The following SLC26A7 variants were observed in gnomAD, a reference collection of about 807,000 sequenced individuals.
SLC26A7 encodes the protein solute carrier family 26 member 7, also known as anion exchange transporter.
A neutral mutation model predicts 82.5 loss-of-function variants in SLC26A7; 59 were observed. The ratio of observed to expected loss-of-function variants is 0.72; its 90% confidence interval spans 0.58 to 0.89. The LOEUF (loss-of-function observed/expected upper bound fraction) is 0.89, where lower values mean the gene tolerates loss of function less well. Ranked by LOEUF, SLC26A7 falls within the 40% of genes least tolerant of loss-of-function variation. The pLI, the probability that SLC26A7 is intolerant of heterozygous loss-of-function variation, is 0.00. For synonymous variants in SLC26A7, 271 were observed against 274.3 expected, an observed-to-expected ratio of 0.99 and a Z score of 0.12; for missense variants, 820 against 793.0, an observed-to-expected ratio of 1.03 and a Z score of -0.41.
chr8:91,212,852 CTTA>C (rs1035013343), intron 1 of SLC26A7, among the ~76,000 whole-genome samples: 2 of 152,090 alleles, frequency 1.3e-5, no homozygotes, highest in Non-Finnish European at 2.9e-5. Flanking sequence ...ATATATATTT[CTTA>C]TTGTTTTATT....
chr8:91,227,751 A>G (rs1253392447), intron 2 of SLC26A7, among the ~76,000 whole-genome samples: 1 of 152,176 alleles, frequency 6.6e-6, no homozygotes, highest in African/African-American at 2.4e-5. Flanking sequence ...TTATTAATGG[A>G]GATTACCAAG....
At chr8:91,270,359 G>T (rs1409954231) in intron 2 of SLC26A7, among the ~76,000 whole-genome samples, 2 of 152,268 alleles carry the variant, frequency 1.3e-5, no homozygotes, top group Admixed American at 6.5e-5. Flanking sequence ...GCTTGCCGTT[G>T]TTTCCTGGTC....
chr8:91,338,243 C>T lies in SLC26A7; in HGVS notation c.878+11C>T, dbSNP rs573408146. 3 of 1,574,754 alleles carry T rather than the reference C, an allele frequency of 1.9e-6. No individual in the cohort carries two copies. The highest frequency in any genetic ancestry group is 2.3e-5 in the East Asian group (1 of 43,848). The stretch of plus-strand genomic sequence containing the variant: ...TCATATTCCACAAGGGTAATGTAGT[C>T]CTTTTTAAAAACATATTATTTGTTT... On this transcript the variant is annotated intron_variant, in intron 7 of 18. Transcript: ENST00000276609.
At chr8:91,295,413 CAG>C in intron 3 of SLC26A7, 116 bp from the exon 4 acceptor site, 1 of 1,119,660 alleles carries the variant, frequency 8.9e-7, no homozygotes, top group Non-Finnish European at 1.3e-6. Flanking sequence ...GAGGAGGGGA[CAG>C]TGTTTCTAAT....
In SLC26A7 at chr8:91,250,508, T is replaced by C. The variant is rs140755527; in HGVS notation, c.193+664T>C. ...TTCTGGATTTAGATAGGTGTTTCTA[T>C]TGGCAAAAGCTACCGACCTAGTGTG... On this transcript the variant is annotated intron_variant, in intron 2 of 18. Transcript: ENST00000276609. Among the ~76,000 whole-genome samples the C allele has an allele frequency of 6.3e-3, 955 of 152,242 alleles. 3 individuals carry two copies. Among genetic ancestry groups the C allele is most frequent in the Non-Finnish European group, 0.01 (686 of 67,966 alleles).
intron 2 of SLC26A7, among the ~76,000 whole-genome samples, chr8:91,282,656 T>C (rs1226313003): frequency 6.6e-6 from 1 of 152,140 alleles, no homozygotes; most frequent in Non-Finnish European, 1.5e-5. Flanking sequence ...ACAGAGGAAG[T>C]TGAGGGAAAC....
At position 91,334,340 on chromosome 8, in the gene SLC26A7, G is replaced by A. The variant is rs1308164300; in HGVS notation, c.688G>A (p.Ala230Thr). 5 of 1,613,060 alleles carry A rather than the reference G, an allele frequency of 3.1e-6. No individual in the cohort carries two copies. Among genetic ancestry groups the A allele is most frequent in the Non-Finnish European group, 3.4e-6 (4 of 1,179,388 alleles). ...AAACATCAAGTCTGTGCGACTGGAA[G>A]CATTGCTTTTATCCTTGCTGAGCAT... ...FENIKSVRLE[A>T]LLLSLLSIVV... The change falls in exon 6 of 19, where the codon GCA becomes ACA. Residue 230 changes from alanine to threonine, a missense_variant. Coordinates refer to ENST00000276609, the MANE Select transcript of SLC26A7 (RefSeq NM_052832.4).
intron 2 of SLC26A7, among the ~76,000 whole-genome samples, chr8:91,269,766 C>T (rs1182436599): frequency 1.3e-5 from 2 of 152,010 alleles, no homozygotes; most frequent in African/African-American, 4.8e-5. Context: ...GATTAGTTCA[C>T]TTAATGGTGT....
intron 4 of SLC26A7, among the ~76,000 whole-genome samples, 182 bp downstream of exon 4, chr8:91,295,885 T>TGAAC (rs1197621408): frequency 1.3e-5 from 2 of 152,226 alleles, no homozygotes; most frequent in Admixed American, 1.3e-4. Context: ...GTTGAATGAA[T>TGAAC]GAACTAGAAT....
chr8:91,386,853 T>A (rs548055574), intron 15 of SLC26A7, among the ~76,000 whole-genome samples: 1 of 152,272 alleles, frequency 6.6e-6, no homozygotes, highest in East Asian at 1.9e-4. Context: ...CATTACTGAC[T>A]TTAAAGAAAC....
intron 2 of SLC26A7, among the ~76,000 whole-genome samples, chr8:91,272,742 G>T (rs1340358938): frequency 6.6e-6 from 1 of 152,192 alleles, no homozygotes; most frequent in Non-Finnish European, 1.5e-5. Context: ...CAGAAAAAGA[G>T]TTTGGGTTGA....
rs1813472956 is a variant in SLC26A7 at position 91,343,422 on chromosome 8, A to G, written c.1096A>G (p.Met366Val). 2 of 1,612,958 alleles carry G rather than the reference A, an allele frequency of 1.2e-6. No individual in the cohort carries two copies. Among genetic ancestry groups the G allele is most frequent in the South Asian group, 2.2e-5 (2 of 91,054 alleles). ...FFFCIPSAAA[M>V]GRTAGLYSTG... ...CTTCTGCATACCAAGTGCTGCTGCC[A>G]TGGGAAGGACGGCTGGCCTGTACAG... Residue 366 changes from methionine to valine, a missense_variant, in exon 9 of 19, where the codon ATG becomes GTG. Met to Val is a conservative substitution (Grantham distance 21, BLOSUM62 1). Coordinates refer to ENST00000276609, the MANE Select transcript of SLC26A7 (RefSeq NM_052832.4).
At chr8:91,299,558 T>C (rs2130782295) in intron 4 of SLC26A7, among the ~76,000 whole-genome samples, 1 of 152,040 alleles carries the variant, frequency 6.6e-6, no homozygotes, top group East Asian at 1.9e-4. Context: ...AAGCCCATCT[T>C]TACCTCTATA....
At chr8:91,378,181 G>C (rs1165406650) in intron 15 of SLC26A7, among the ~76,000 whole-genome samples, 1 of 151,550 alleles carries the variant, frequency 6.6e-6, no homozygotes, top group Non-Finnish European at 1.5e-5. Flanking sequence ...ATGGAAAAAA[G>C]GGAGCAAACA....
chr8:91,285,288 T>G (rs1053388618), intron 2 of SLC26A7, among the ~76,000 whole-genome samples: 1 of 144,896 alleles, frequency 6.9e-6, no homozygotes, highest in Non-Finnish European at 1.5e-5. Context: ...CGCCTTCATC[T>G]TCATGTGGCA....
At chr8:91,220,832 T>C (rs1810149208) in intron 2 of SLC26A7, among the ~76,000 whole-genome samples, 1 of 152,214 alleles carries the variant, frequency 6.6e-6, no homozygotes, top group South Asian at 2.1e-4. Context: ...TGTGTCTTTA[T>C]AGTAGAATGA....
At chr8:91,213,247 C>T (rs1809968511) in intron 1 of SLC26A7, among the ~76,000 whole-genome samples, 1 of 152,072 alleles carries the variant, frequency 6.6e-6, no homozygotes, top group Non-Finnish European at 1.5e-5. Flanking sequence ...CGTTTCTGTT[C>T]TTATCACAGT....
chr8:91,289,080 A>G (rs1289438016), intron 2 of SLC26A7, 56 bp from the exon 3 acceptor site: 2 of 1,117,636 alleles, frequency 1.8e-6, no homozygotes, highest in African/African-American at 3.1e-5. Flanking sequence ...CTTTTGTGTA[A>G]CAGACTGTGT....
At chr8:91,332,426 AATAT>A (rs1813114655) in intron 5 of SLC26A7, among the ~76,000 whole-genome samples, 1 of 142,478 alleles carries the variant, frequency 7.0e-6, no homozygotes, top group South Asian at 2.1e-4. Flanking sequence ...ATATTTAATC[AATAT>A]ATATTTAATT....
Sources: allele counts gnomAD v4.1 joint callset (sites outside exome capture counted in the v4.1 genomes callset), GRCh38; gene constraint gnomAD v4.1.1; transcripts MANE v1.5; gene names NCBI Gene and HGNC (gene_info 2026-07-23, HGNC 2026-07-21).